SEL1L2: variants seen among roughly 807,000 people sequenced by gnomAD.
SEL1L2 encodes the protein SEL1L2 adaptor subunit of SYVN1 ubiquitin ligase, also known as protein sel-1 homolog 2.
In SEL1L2, 89 loss-of-function variants were observed where a neutral mutation model predicts 98.8. That is an observed-to-expected ratio of 0.90 (90% confidence interval 0.76 to 1.07). The LOEUF is 1.07. Among genes scored for constraint, SEL1L2 ranks in the 50% least tolerant of loss-of-function variants. The pLI is 0.00. For missense variants in SEL1L2, 788 were observed against 812.0 expected, an observed-to-expected ratio of 0.97 and a Z score of 0.36; for synonymous variants, 262 against 278.5, an observed-to-expected ratio of 0.94 and a Z score of 0.59.
chr20:13,918,730 A>C (rs1448996082), intron 4 of SEL1L2, among the ~76,000 whole-genome samples: 1 of 152,218 alleles, frequency 6.6e-6, no homozygotes, highest in East Asian at 1.9e-4. Flanking sequence ...TGAATCATCT[A>C]ATAAATTAAA....
At chr20:13,932,500 T>C (rs1164307866) in intron 2 of SEL1L2, among the ~76,000 whole-genome samples, 1 of 151,834 alleles carries the variant, frequency 6.6e-6, no homozygotes, top group Non-Finnish European at 1.5e-5. Flanking sequence ...GACACGATCT[T>C]GGCTCACTGC....
At chr20:13,934,014 G>C (rs2049281598) in intron 2 of SEL1L2, among the ~76,000 whole-genome samples, 1 of 135,220 alleles carries the variant, frequency 7.4e-6, no homozygotes, top group Non-Finnish European at 1.6e-5. Context: ...GTAGGATTTT[G>C]TTACATGAGT....
At chr20:13,892,985 G>C (rs140904858) in intron 5 of SEL1L2, among the ~76,000 whole-genome samples, 168 of 152,282 alleles carry the variant, frequency 1.1e-3, no homozygotes, top group Non-Finnish European at 2.1e-3. Flanking sequence ...TATAAAACCT[G>C]TTTTTCCACA....
At chr20:13,913,753 T>G in intron 5 of SEL1L2, 29 bp downstream of exon 5, 1 of 1,495,824 alleles carries the variant, frequency 6.7e-7, no homozygotes, top group Non-Finnish European at 8.8e-7. Flanking sequence ...ATGGAGCTAT[T>G]TAAGGTTTCA....
chr20:13,972,645 A>G (rs1220114406), intron 1 of SEL1L2, among the ~76,000 whole-genome samples: 1 of 152,154 alleles, frequency 6.6e-6, no homozygotes, highest in African/African-American at 2.4e-5. Context: ...ATGTCATTAC[A>G]CTTGTTTGAT....
At chr20:13,916,868 T>C (rs2048427892) in intron 4 of SEL1L2, among the ~76,000 whole-genome samples, 1 of 151,970 alleles carries the variant, frequency 6.6e-6, no homozygotes, top group African/African-American at 2.4e-5. Context: ...GGCAGGACAG[T>C]CTTGGTAAGA....
intron 2 of SEL1L2, among the ~76,000 whole-genome samples, chr20:13,953,994 A>G (rs1411810029): frequency 1.3e-5 from 2 of 152,096 alleles, no homozygotes; most frequent in Admixed American, 6.6e-5. Context: ...AGCACACAGA[A>G]CTCCTGAAAA....
At position 13,915,544 on chromosome 20, in the gene SEL1L2, C is replaced by G. The variant is rs572011178; in HGVS notation, c.387-1600G>C. 2.6e-5 allele frequency among the ~76,000 whole-genome samples: 4 copies of G among 152,290 alleles called. No individual in the cohort carries two copies. In the East Asian group the frequency reaches 7.7e-4, roughly 29 times the overall value. ...AGGAGCACCAGCATGGACCAAGGCA[C>G]AGAAACCTGAGATAGGCTGCAGGGG... On this transcript the variant is annotated intron_variant, in intron 4 of 19. Transcript: ENST00000284951.
At chr20:13,944,053 C>T (rs1600855644) in intron 2 of SEL1L2, among the ~76,000 whole-genome samples, 1 of 152,198 alleles carries the variant, frequency 6.6e-6, no homozygotes, top group East Asian at 1.9e-4. Context: ...CTCTCTTTGG[C>T]TTGAAGGTTG....
intron 5 of SEL1L2, among the ~76,000 whole-genome samples, chr20:13,893,583 C>G (rs1311911960): frequency 6.6e-6 from 1 of 152,012 alleles, no homozygotes; most frequent in Non-Finnish European, 1.5e-5. Flanking sequence ...TTTCAATACC[C>G]CACATTCAAT....
chr20:13,849,743 T>C, intron 19 of SEL1L2, 139 bp from the exon 20 acceptor site: 2 of 944,076 alleles, frequency 2.1e-6, no homozygotes. Context: ...GAAGACACAA[T>C]CTTCGCTTGC....
intron 14 of SEL1L2, among the ~76,000 whole-genome samples, chr20:13,867,154 C>A (rs1333169710): frequency 6.6e-6 from 1 of 152,130 alleles, no homozygotes; most frequent in Non-Finnish European, 1.5e-5. Context: ...GCAAAGGAGA[C>A]CAAGTGATGG....
chr20:13,961,035 G>C (rs1482558336), intron 1 of SEL1L2, among the ~76,000 whole-genome samples: 1 of 152,156 alleles, frequency 6.6e-6, no homozygotes, highest in Non-Finnish European at 1.5e-5. Context: ...TTATATGCTA[G>C]ATTCTTTAGA....
At chr20:13,953,009 A>G (rs1269256936) in intron 2 of SEL1L2, among the ~76,000 whole-genome samples, 1 of 152,098 alleles carries the variant, frequency 6.6e-6, no homozygotes, top group Non-Finnish European at 1.5e-5. Flanking sequence ...CTTCACTGAT[A>G]GGTAATTTTG....
At chr20:13,855,049 CAAAAAAAAAAAA>C (rs71188190) in intron 18 of SEL1L2, among the ~76,000 whole-genome samples, 2 of 81,096 alleles carry the variant, frequency 2.5e-5, no homozygotes, top group African/African-American at 4.6e-5. Context: ...GACTCCGTCT[CAAAAAAAAAAAA>C]AAAAAAAAAA....
intron 2 of SEL1L2, among the ~76,000 whole-genome samples, chr20:13,946,278 C>A (rs978605652): frequency 3.3e-5 from 5 of 152,070 alleles, no homozygotes; most frequent in African/African-American, 7.2e-5. Flanking sequence ...TACATATAAA[C>A]AAAGTTTAAA....
At chr20:13,878,269 A>G (rs2046527461) in intron 10 of SEL1L2, among the ~76,000 whole-genome samples, 1 of 151,854 alleles carries the variant, frequency 6.6e-6, no homozygotes, top group Non-Finnish European at 1.5e-5. Flanking sequence ...GTAGAGCAAT[A>G]AAAGAAATCA....
chr20:13,932,556 C>T (rs1323466588), intron 2 of SEL1L2, among the ~76,000 whole-genome samples: 3 of 151,906 alleles, frequency 2.0e-5, no homozygotes, highest in Admixed American at 1.3e-4. Flanking sequence ...CTCAGCCTCC[C>T]GAGTAACTGG....
intron 2 of SEL1L2, among the ~76,000 whole-genome samples, chr20:13,933,803 TTTGGTTTGCTTTGCTTTC>T (rs1555887885): frequency 2.0e-5 from 3 of 152,100 alleles, no homozygotes; most frequent in South Asian, 4.1e-4. Flanking sequence ...CTTTGTGTCA[TTTGGTTTGCTTTGCTTTC>T]TTGGTTTGCT....
Sources: allele counts gnomAD v4.1 joint callset (sites outside exome capture counted in the v4.1 genomes callset), GRCh38; gene constraint gnomAD v4.1.1; transcripts MANE v1.5; gene names NCBI Gene and HGNC (gene_info 2026-07-23, HGNC 2026-07-21).